Variants in ANTXR2 observed in about 807,000 individuals in gnomAD.
ANTXR2 encodes anthrax toxin receptor 2.
Under a neutral mutation model 73.7 loss-of-function variants are expected in ANTXR2, and 44 were observed. That is an observed-to-expected ratio of 0.60 (90% confidence interval 0.47 to 0.77). The LOEUF is 0.77. Among genes scored for constraint, ANTXR2 ranks in the 30% least tolerant of loss-of-function variants. ANTXR2 has a pLI of 0.00. For missense variants in ANTXR2, 604 were observed against 592.5 expected, an observed-to-expected ratio of 1.02 and a Z score of -0.20; for synonymous variants, 217 against 205.9, an observed-to-expected ratio of 1.05 and a Z score of -0.46.
At chr4:79,962,540 C>T (rs775293419) in intron 16 of ANTXR2, among the ~76,000 whole-genome samples, 4 of 151,990 alleles carry the variant, frequency 2.6e-5, no homozygotes, top group South Asian at 4.2e-4. Flanking sequence ...GCATCAGAAT[C>T]GCCCTAAAGA....
chr4:80,042,418 T>A (rs1296828011), intron 7 of ANTXR2, among the ~76,000 whole-genome samples: 1 of 152,032 alleles, frequency 6.6e-6, no homozygotes, highest in East Asian at 1.9e-4. Context: ...GGTGTTTTTC[T>A]TTCTTTCTCT....
intron 3 of ANTXR2, among the ~76,000 whole-genome samples, chr4:80,068,746 T>TGG (rs1041941073): frequency 1.3e-5 from 2 of 152,184 alleles, no homozygotes; most frequent in Non-Finnish European, 2.9e-5. Flanking sequence ...CACTCCAGCC[T>TGG]GGGCAACAGA....
At chr4:79,932,858 A>C (rs1431298471) in intron 16 of ANTXR2, among the ~76,000 whole-genome samples, 2 of 151,594 alleles carry the variant, frequency 1.3e-5, no homozygotes, top group Non-Finnish European at 2.9e-5. Context: ...TAGATTAGTG[A>C]AGGAGGCATT....
At chr4:79,959,019 A>G (rs1167244508) in intron 16 of ANTXR2, among the ~76,000 whole-genome samples, 2 of 152,126 alleles carry the variant, frequency 1.3e-5, no homozygotes, top group Non-Finnish European at 2.9e-5. Context: ...AGAATATGAA[A>G]TAAAGATCAA....
At chr4:80,034,631 T>C (rs1386443766) in intron 8 of ANTXR2, among the ~76,000 whole-genome samples, 1 of 152,190 alleles carries the variant, frequency 6.6e-6, no homozygotes, top group African/African-American at 2.4e-5. Flanking sequence ...TTTCTTAATG[T>C]AGGCATTGAC....
intron 10 of ANTXR2, among the ~76,000 whole-genome samples, chr4:80,026,245 T>C (rs1004615565): frequency 7.9e-5 from 12 of 152,136 alleles, no homozygotes; most frequent in African/African-American, 2.7e-4. Flanking sequence ...TCACGAGATC[T>C]GATGGTTTTA....
rs575110089 is a variant in ANTXR2, at chr4:79,979,559, G to C, written c.1180-1385C>G. Among the ~76,000 whole-genome samples the C allele has an allele frequency of 2.6e-5, 4 of 152,124 alleles. No homozygotes were observed. The South Asian group carries it at 8.3e-4, about 32-fold the overall frequency. On this transcript the variant is annotated intron_variant, in intron 14 of 16. Transcript: ENST00000403729. ...CTTTTTTTACTACAATTTTAGAATG[G>C]GCTTTCAATTTCAAGTGGGCCCTGT...
chr4:79,980,993 T>C (rs1296461576), intron 14 of ANTXR2, among the ~76,000 whole-genome samples: 2 of 151,704 alleles, frequency 1.3e-5, no homozygotes, highest in Non-Finnish European at 2.9e-5. Flanking sequence ...CAAATTTTGT[T>C]TGCACAGTGG....
chr4:80,060,290 T>A (rs750888352), intron 3 of ANTXR2, among the ~76,000 whole-genome samples: 2 of 152,184 alleles, frequency 1.3e-5, no homozygotes, highest in Non-Finnish European at 2.9e-5. Flanking sequence ...CTAATTCACA[T>A]GTTTGTGTTG....
intron 16 of ANTXR2, among the ~76,000 whole-genome samples, chr4:79,915,850 C>A (rs34492150): frequency 5.8e-5 from 7 of 120,586 alleles, no homozygotes; most frequent in South Asian, 2.8e-4. Flanking sequence ...CTCTCTCTCT[C>A]TCTCTCTCTC....
intron 9 of ANTXR2, among the ~76,000 whole-genome samples, chr4:80,032,667 A>G (rs1287302215): frequency 6.6e-6 from 1 of 151,930 alleles, no homozygotes; most frequent in Non-Finnish European, 1.5e-5. Context: ...ACTCTACCAG[A>G]GTTTACAAAG....
At chr4:80,012,422 T>C (rs923727609) in intron 11 of ANTXR2, among the ~76,000 whole-genome samples, 1 of 151,866 alleles carries the variant, frequency 6.6e-6, no homozygotes, top group Non-Finnish European at 1.5e-5. Context: ...TCAGTGTACA[T>C]AGTTTTACTG....
rs1324949942 is a variant in ANTXR2 at position 79,904,760 on chromosome 4, A to G, written c.*2669T>C. 1 of 152,180 alleles carries G rather than the reference A, an allele frequency of 6.6e-6. No homozygotes were observed. Among genetic ancestry groups the G allele is most frequent in the African/African-American group, 2.4e-5 (1 of 41,468 alleles). The allele number at this position is 152,180 out of a possible 1,614,324, so 9.4% of individuals were successfully genotyped here. ...TTATTCATTTTTACACAGAAAGTAG[A>G]TCTTGACTGACATGGTGTCCAGAAA... On this transcript the variant is annotated 3_prime_UTR_variant, in exon 17 of 17. Coordinates refer to ENST00000403729, the MANE Select transcript of ANTXR2 (RefSeq NM_058172.6).
intron 16 of ANTXR2, among the ~76,000 whole-genome samples, chr4:79,947,665 C>T (rs1728566181): frequency 6.6e-6 from 1 of 152,102 alleles, no homozygotes; most frequent in Non-Finnish European, 1.5e-5. Flanking sequence ...TCTTGCCTTT[C>T]CCCTCACTAA....
In ANTXR2 at chr4:79,978,015, G is replaced by C. The variant is rs1729712924; in HGVS notation, c.1339C>G (p.Pro447Ala). ...AAAATCTGGACACATACCTTAATTG[G>C]GGTGTACCATTTTGTCTGAGGAGGC... ...HQPPQTKWYT[P>A]IKGRLDALWA... The change falls in exon 15 of 17, where the codon CCA becomes GCA. Residue 447 changes from proline to alanine, a missense_variant. Physicochemically the swap from Pro to Ala is conservative, Grantham distance 27. Transcript: ENST00000403729. 1 of 1,596,094 alleles carries C rather than the reference G, an allele frequency of 6.3e-7. No individual in the cohort carries two copies.
chr4:79,977,462 A>T, intron 16 of ANTXR2, 159 bp downstream of exon 16: 1 of 1,371,892 alleles, frequency 7.3e-7, no homozygotes, highest in South Asian at 1.7e-5. Context: ...AACAATAGGT[A>T]ATTTATAGAC....
chr4:79,924,974 T>G (rs114851247), intron 16 of ANTXR2, among the ~76,000 whole-genome samples: 101 of 152,296 alleles, frequency 6.6e-4, no homozygotes, highest in Non-Finnish European at 1.2e-3. Context: ...AACATTTTGT[T>G]TGAATGGCAT....
chr4:80,072,061 G>T (rs1278439603), intron 1 of ANTXR2, among the ~76,000 whole-genome samples: 1 of 152,084 alleles, frequency 6.6e-6, no homozygotes, highest in African/African-American at 2.4e-5. Context: ...TTTAGCCTGC[G>T]TACGAGCAGG....
intron 16 of ANTXR2, among the ~76,000 whole-genome samples, chr4:79,951,776 T>TA (rs886491716): frequency 2.0e-5 from 3 of 152,194 alleles, no homozygotes; most frequent in African/African-American, 7.2e-5. Flanking sequence ...CTCTCTTCTA[T>TA]AAAACCTCAC....
Sources: allele counts gnomAD v4.1 joint callset (sites outside exome capture counted in the v4.1 genomes callset), GRCh38; gene constraint gnomAD v4.1.1; transcripts MANE v1.5; gene names NCBI Gene and HGNC (gene_info 2026-07-23, HGNC 2026-07-21).